The following NCKAP5 variants were observed in gnomAD, a reference collection of about 807,000 sequenced individuals.
NCKAP5 encodes nck-associated protein 5.
Under a neutral mutation model 167.0 loss-of-function variants are expected in NCKAP5, and 92 were observed. The observed-to-expected ratio is 0.55, with a 90% CI of 0.47 to 0.66. The LOEUF (loss-of-function observed/expected upper bound fraction) is 0.66, where lower values mean the gene tolerates loss of function less well. Ranked by LOEUF, NCKAP5 falls within the 30% of genes least tolerant of loss-of-function variation. NCKAP5 has a pLI of 0.00. For synonymous variants in NCKAP5, 891 were observed against 877.4 expected (o/e 1.02, Z -0.27); for missense variants, 2,378 against 2,315.0 (o/e 1.03, Z -0.56).
intron 5 of NCKAP5, among the ~76,000 whole-genome samples, chr2:133,163,253 C>A (rs1478743152): frequency 1.3e-5 from 2 of 152,232 alleles, no homozygotes; most frequent in Non-Finnish European, 2.9e-5. Context: ...AGGCCCCATA[C>A]ACACTGGTGT....
At position 133,147,163 on chromosome 2, in the gene NCKAP5, C is replaced by T. The variant is rs78581128; in HGVS notation, c.208-17052G>A. Among the ~76,000 whole-genome samples, 74 of 152,254 alleles carry T rather than the reference C, an allele frequency of 4.9e-4. No individual in the cohort carries two copies. In the East Asian group the frequency reaches 0.012, roughly 24 times the overall value. On this transcript the variant is annotated intron_variant, in intron 5 of 19. Transcript: ENST00000409261. ...ATTCTGGTTGTAGTTGTAGAGTAAA[C>T]AGCTGCTTCTGATTTGAAGAGTGTT...
At chr2:133,221,030 C>T (rs551685250) in intron 4 of NCKAP5, among the ~76,000 whole-genome samples, 1 of 150,764 alleles carries the variant, frequency 6.6e-6, no homozygotes, top group East Asian at 1.9e-4. Flanking sequence ...CACAAATACC[C>T]TATATATGCA....
chr2:132,805,073 C>T (rs568466573), intron 11 of NCKAP5, among the ~76,000 whole-genome samples: 9 of 152,052 alleles, frequency 5.9e-5, no homozygotes, highest in Non-Finnish European at 1.2e-4. Context: ...TTCCCAGGTT[C>T]TGCTTTAGAG....
Position 133,178,552 on chromosome 2 carries a change from G to A in NCKAP5, c.207+35164C>T, listed in dbSNP as rs1160897219. Among the ~76,000 whole-genome samples, 21 of 131,262 alleles carry A rather than the reference G, an allele frequency of 1.6e-4. No individual in the cohort carries two copies. The East Asian group carries it at 4.6e-3, about 29-fold the overall frequency. 86.1% of individuals were successfully genotyped at this position (131,262 alleles called of 152,430 possible). Reference sequence around the variant, plus strand: ...AAAAAAAAAAAAAAAAAGGCCAGGCGCATTGGCTCACGCCTGTAATCCCAG... The same window carrying A: ...AAAAAAAAAAAAAAAAAGGCCAGGCACATTGGCTCACGCCTGTAATCCCAG... On this transcript the variant is annotated intron_variant, in intron 5 of 19. Transcript: ENST00000409261.
At chr2:133,159,140 A>C (rs2083689648) in intron 5 of NCKAP5, among the ~76,000 whole-genome samples, 1 of 152,038 alleles carries the variant, frequency 6.6e-6, no homozygotes, top group Non-Finnish European at 1.5e-5. Context: ...CAGCAAAAGA[A>C]GAAGTCAGAT....
chr2:133,089,136 G>C (rs80165362), intron 6 of NCKAP5, among the ~76,000 whole-genome samples: 10,028 of 152,180 alleles, frequency 0.066, 395 homozygotes, highest in African/African-American at 0.11. Context: ...GCATGCAACA[G>C]GGTAGTGATA....
chr2:133,547,058 T>A (rs1341220795), intron 2 of NCKAP5, among the ~76,000 whole-genome samples: 1 of 152,144 alleles, frequency 6.6e-6, no homozygotes, highest in Admixed American at 6.5e-5. Flanking sequence ...AGGCATTGCC[T>A]CACTTGGGAA....
the NCKAP5 span, among the ~76,000 whole-genome samples, chr2:133,584,883 T>C: frequency 6.6e-6 from 1 of 150,920 alleles, no homozygotes; most frequent in African/African-American, 2.4e-5. Flanking sequence ...AAAACTGTAT[T>C]ATATTCAGGA....
At chr2:133,558,775 T>C (rs138295809) in intron 2 of NCKAP5, among the ~76,000 whole-genome samples, 182 of 134,272 alleles carry the variant, frequency 1.4e-3, no homozygotes, top group African/African-American at 4.8e-3. Flanking sequence ...CAGAAGCGGA[T>C]TGGGGGTGCA....
In NCKAP5 at chr2:133,470,786, C is replaced by T. The variant is rs530925331; in HGVS notation, c.69+46672G>A. 2.1e-3 allele frequency among the ~76,000 whole-genome samples: 315 copies of T among 152,320 alleles called. 1 individual carries two copies. Among genetic ancestry groups the T allele is most frequent in the Middle Eastern group, 6.8e-3 (2 of 294 alleles). On this transcript the variant is annotated intron_variant, in intron 3 of 19. Transcript: ENST00000409261. ...GTGACCCGATTTTCCAGGTGCTGTC[C>T]GTCACCCCTTTCTTTGACTAGGAAA...
At chr2:132,739,457 G>T (rs148044646) in intron 16 of NCKAP5, among the ~76,000 whole-genome samples, 1 of 152,264 alleles carries the variant, frequency 6.6e-6, no homozygotes, top group Non-Finnish European at 1.5e-5. Flanking sequence ...CCTGCTTGCT[G>T]TGGGACAACA....
the NCKAP5 span, among the ~76,000 whole-genome samples, chr2:133,638,736 G>C: frequency 6.6e-6 from 1 of 151,980 alleles, no homozygotes; most frequent in South Asian, 2.1e-4. Context: ...GCAGGCACCT[G>C]TAACCCCAGC....
chr2:133,083,840 T>C (rs113233181), intron 6 of NCKAP5, among the ~76,000 whole-genome samples: 2,241 of 152,298 alleles, frequency 0.015, 64 homozygotes, highest in African/African-American at 0.05. Flanking sequence ...GCTGAGGATA[T>C]AGCACTGATC....
chr2:132,904,182 G>A (rs1472145270), intron 8 of NCKAP5, among the ~76,000 whole-genome samples: 2 of 151,980 alleles, frequency 1.3e-5, no homozygotes, highest in Non-Finnish European at 1.5e-5. Context: ...CAGCTACTTG[G>A]GAGGCTGAGG....
At chr2:133,372,225 A>G (rs2150914842) in intron 3 of NCKAP5, among the ~76,000 whole-genome samples, 1 of 152,298 alleles carries the variant, frequency 6.6e-6, no homozygotes, top group South Asian at 2.1e-4. Flanking sequence ...GTGGTGATGG[A>G]AAACTATGTG....
chr2:132,729,239 G>A (rs1278318871), intron 17 of NCKAP5, among the ~76,000 whole-genome samples: 2 of 152,158 alleles, frequency 1.3e-5, no homozygotes, highest in African/African-American at 4.8e-5. Context: ...GGTTCAGCAG[G>A]CAAACCATTC....
intron 6 of NCKAP5, among the ~76,000 whole-genome samples, chr2:133,104,635 G>A (rs990433630): frequency 6.6e-6 from 1 of 152,148 alleles, no homozygotes; most frequent in African/African-American, 2.4e-5. Flanking sequence ...TTACATTACT[G>A]TTCCAACTTC....
At chr2:132,879,609 C>T (rs76859206) in intron 8 of NCKAP5, among the ~76,000 whole-genome samples, 1 of 152,202 alleles carries the variant, frequency 6.6e-6, no homozygotes, top group Non-Finnish European at 1.5e-5. Flanking sequence ...TGATATGAAG[C>T]TGCCCTCCAC....
intron 5 of NCKAP5, among the ~76,000 whole-genome samples, chr2:133,136,282 G>A (rs2149817143): frequency 6.6e-6 from 1 of 152,328 alleles, no homozygotes. Flanking sequence ...TCTAATTATA[G>A]TTGGTGATTC....
Sources: gnomAD v4.1 joint callset for allele counts (sites outside exome capture counted in the v4.1 genomes callset) on GRCh38, gnomAD v4.1.1 for gene constraint, MANE v1.5 for transcripts, NCBI Gene and HGNC (gene_info 2026-07-23, HGNC 2026-07-21) for gene names.